ZNF385D: variants seen among roughly 807,000 people sequenced by gnomAD.
ZNF385D encodes the protein zinc finger protein 659.
ZNF385D carries 15 observed loss-of-function variants against 35.8 expected under a neutral mutation model. The ratio of observed to expected loss-of-function variants is 0.42; its 90% confidence interval spans 0.28 to 0.64. The LOEUF (loss-of-function observed/expected upper bound fraction) is 0.64, where lower values mean the gene tolerates loss of function less well. Among genes scored for constraint, ZNF385D ranks in the 30% least tolerant of loss-of-function variants. ZNF385D has a pLI of 0.23. For missense variants in ZNF385D, 474 were observed against 494.6 expected (o/e 0.96, Z 0.39); for synonymous variants, 212 against 186.8 (o/e 1.13, Z -1.10).
In ZNF385D at chr3:21,976,267, T is replaced by C. The variant is rs143744392; in HGVS notation, c.325+192550A>G. Among the ~76,000 whole-genome samples, 327 of 152,142 alleles carry C rather than the reference T, an allele frequency of 2.1e-3. 2 individuals carry two copies. Among genetic ancestry groups the C allele is most frequent in the African/African-American group, 7.6e-3 (316 of 41,512 alleles). ...CATTTTTTTTAGAGATATTAAGTAA[T>C]AGGACCAGAAGAAAAAATAGACAAC... On this transcript the variant is annotated intron_variant, in intron 3 of 5. Coordinates refer to the ZNF385D transcript ENST00000494108.
intron 2 of ZNF385D, chr3:22,169,109 G>A: frequency 1.5e-6 from 1 of 684,326 alleles, no homozygotes; most frequent in African/African-American, 1.9e-5. Context: ...AAATTGGGTG[G>A]CAAATAAGGA....
At chr3:22,079,937 T>A (rs902356168) in intron 3 of ZNF385D, among the ~76,000 whole-genome samples, 2 of 151,990 alleles carry the variant, frequency 1.3e-5, no homozygotes, top group African/African-American at 4.8e-5. Flanking sequence ...TATATACATA[T>A]GTATATAGAT....
intron 5 of ZNF385D, among the ~76,000 whole-genome samples, chr3:21,434,013 A>T (rs555805478): frequency 8.5e-5 from 13 of 152,162 alleles, no homozygotes; most frequent in African/African-American, 1.4e-4. Context: ...ATCTTTTTTT[A>T]AAAAATGTAA....
chr3:21,853,332 T>C (rs1422802012), intron 3 of ZNF385D, among the ~76,000 whole-genome samples: 2 of 151,862 alleles, frequency 1.3e-5, no homozygotes, highest in African/African-American at 4.8e-5. Context: ...ATCGTGGTTT[T>C]AAAACATTTT....
chr3:22,274,344 G>C (rs532824526), intron 2 of ZNF385D, among the ~76,000 whole-genome samples: 1 of 151,782 alleles, frequency 6.6e-6, no homozygotes, highest in Non-Finnish European at 1.5e-5. Context: ...TAACCATGAG[G>C]ACAGTATGAT....
At chr3:21,513,214 A>G (rs1181963518) in intron 3 of ZNF385D, among the ~76,000 whole-genome samples, 1 of 152,164 alleles carries the variant, frequency 6.6e-6, no homozygotes, top group Non-Finnish European at 1.5e-5. Context: ...TACACCAAAA[A>G]ACAAAAACAA....
chr3:22,167,665 AGAGCAAG>A (rs1256838222), intron 3 of ZNF385D, among the ~76,000 whole-genome samples: 1 of 152,210 alleles, frequency 6.6e-6, no homozygotes, highest in East Asian at 1.9e-4. Context: ...GGGCCGAGGC[AGAGCAAG>A]GACATTGCTG....
At chr3:22,312,916 G>A (rs1363029160) in intron 2 of ZNF385D, among the ~76,000 whole-genome samples, 3 of 131,142 alleles carry the variant, frequency 2.3e-5, no homozygotes, top group Non-Finnish European at 3.2e-5. Flanking sequence ...ATACCCAAAG[G>A]ACTATAAATC....
At chr3:22,002,851 A>C (rs916183781) in intron 3 of ZNF385D, among the ~76,000 whole-genome samples, 1 of 152,228 alleles carries the variant, frequency 6.6e-6, no homozygotes, top group Non-Finnish European at 1.5e-5. Flanking sequence ...TGATTATCTC[A>C]ATAGATGTAG....
chr3:22,011,626 T>C (rs957578173), intron 3 of ZNF385D, among the ~76,000 whole-genome samples: 6 of 152,110 alleles, frequency 3.9e-5, no homozygotes, highest in African/African-American at 1.4e-4. Context: ...AATAGTAAAT[T>C]AGGAAAGTTG....
chr3:21,596,873 A>G (rs1445495288), intron 2 of ZNF385D, among the ~76,000 whole-genome samples: 2 of 152,094 alleles, frequency 1.3e-5, no homozygotes, highest in East Asian at 1.9e-4. Context: ...AATACTGTCA[A>G]AGTTAATGGT....
At chr3:22,326,731 G>A (rs563621647) in intron 2 of ZNF385D, among the ~76,000 whole-genome samples, 2 of 152,260 alleles carry the variant, frequency 1.3e-5, no homozygotes, top group East Asian at 1.9e-4. Flanking sequence ...GTCTACCTAA[G>A]GGAGTGTATT....
At chr3:22,280,208 C>G (rs1019420856) in intron 2 of ZNF385D, among the ~76,000 whole-genome samples, 1 of 152,044 alleles carries the variant, frequency 6.6e-6, no homozygotes, top group Admixed American at 6.6e-5. Context: ...TGAAGATTTT[C>G]TCCCACTCTA....
chr3:22,137,833 G>A (rs544040517), intron 3 of ZNF385D, among the ~76,000 whole-genome samples: 10 of 152,046 alleles, frequency 6.6e-5, no homozygotes, highest in Non-Finnish European at 1.5e-4. Context: ...AATCAGGCAG[G>A]AGAAGGAAAT....
chr3:21,804,890 GA>G, intron 3 of ZNF385D, among the ~76,000 whole-genome samples: 1 of 152,116 alleles, frequency 6.6e-6, no homozygotes, highest in African/African-American at 2.4e-5. Context: ...ACGTTGCTTG[GA>G]AAATCAATTT....
intron 3 of ZNF385D, among the ~76,000 whole-genome samples, chr3:21,780,183 G>C (rs2071435571): frequency 1.3e-5 from 2 of 151,972 alleles, no homozygotes; most frequent in African/African-American, 4.8e-5. Flanking sequence ...AACATTTACT[G>C]TGTGCCAGGC....
At chr3:21,993,957 G>T (rs943460022) in intron 3 of ZNF385D, among the ~76,000 whole-genome samples, 1 of 152,064 alleles carries the variant, frequency 6.6e-6, no homozygotes, top group African/African-American at 2.4e-5. Flanking sequence ...GGATTTTAAG[G>T]TGCCCAACTG....
intron 3 of ZNF385D, among the ~76,000 whole-genome samples, chr3:21,887,721 C>A (rs1414592694): frequency 6.6e-6 from 1 of 152,008 alleles, no homozygotes; most frequent in Non-Finnish European, 1.5e-5. Context: ...AATCAGACAA[C>A]AAAGTGTCTA....
intron 2 of ZNF385D, among the ~76,000 whole-genome samples, chr3:21,576,379 A>T (rs569034733): frequency 3.9e-5 from 6 of 152,280 alleles, no homozygotes; most frequent in Non-Finnish European, 4.4e-5. Flanking sequence ...CTGTTTCCCT[A>T]ATGTTCTATG....
Sources: allele counts gnomAD v4.1 joint callset (sites outside exome capture counted in the v4.1 genomes callset), GRCh38; gene constraint gnomAD v4.1.1; transcripts MANE v1.5; gene names NCBI Gene and HGNC (gene_info 2026-07-23, HGNC 2026-07-21).